Variants in TCF12 observed in about 807,000 individuals in gnomAD.
The protein encoded by TCF12 is DNA-binding protein HTF4.
TCF12 carries 45 observed loss-of-function variants against 86.0 expected under a neutral mutation model. The ratio of observed to expected loss-of-function variants is 0.52; its 90% CI spans 0.41 to 0.67. The LOEUF (loss-of-function observed/expected upper bound fraction) is 0.67, where lower values mean the gene tolerates loss of function less well. TCF12 is among the 30% of genes least tolerant of loss of function. TCF12 has a pLI of 0.00. For missense variants in TCF12, 881 were observed against 859.9 expected, an observed-to-expected ratio of 1.02 and a Z score of -0.31; for synonymous variants, 330 against 299.6, an observed-to-expected ratio of 1.10 and a Z score of -1.05.
At chr15:57,162,684 A>G (rs1193296413) in intron 5 of TCF12, among the ~76,000 whole-genome samples, 1 of 152,210 alleles carries the variant, frequency 6.6e-6, no homozygotes, top group Admixed American at 6.5e-5. Context: ...AGCACAGGAA[A>G]GTAAGTTTAA....
chr15:57,023,226 T>A (rs572777463), intron 3 of TCF12, among the ~76,000 whole-genome samples: 36 of 152,178 alleles, frequency 2.4e-4, no homozygotes, highest in Non-Finnish European at 4.3e-4. Context: ...AGTATGGAGT[T>A]TGATTTTATT....
intron 3 of TCF12, among the ~76,000 whole-genome samples, chr15:57,048,347 C>T (rs1456453845): frequency 2.0e-5 from 3 of 152,092 alleles, no homozygotes; most frequent in Middle Eastern, 3.2e-3. Context: ...CTGTAAGCTC[C>T]GCCTCCCAGG....
chr15:56,950,533 G>A lies in TCF12; in HGVS notation c.148+29435G>A, dbSNP rs530388055. On this transcript the variant is annotated intron_variant, in intron 3 of 20. Coordinates refer to ENST00000333725, the MANE Select transcript of TCF12 (RefSeq NM_207037.2). Reference sequence around the variant, plus strand: ...GAGCCACTGCGCCTGGGTGCATTTCGTGTAGTTTTAAATAAATAAATCACA... The same window carrying A: ...GAGCCACTGCGCCTGGGTGCATTTCATGTAGTTTTAAATAAATAAATCACA... Among the ~76,000 whole-genome samples the A allele has an allele frequency of 1.9e-4, 29 of 151,894 alleles. No homozygotes were observed. In the South Asian group the frequency reaches 4.6e-3, roughly 24 times the overall value.
chr15:57,263,677 A>G (rs1459786509), intron 18 of TCF12, among the ~76,000 whole-genome samples: 3 of 152,170 alleles, frequency 2.0e-5, no homozygotes, highest in Non-Finnish European at 4.4e-5. Flanking sequence ...ATTCTAAGAA[A>G]TGCATTGCTA....
chr15:57,150,524 G>A (rs529339847), intron 5 of TCF12, among the ~76,000 whole-genome samples: 2 of 152,086 alleles, frequency 1.3e-5, no homozygotes, highest in Non-Finnish European at 2.9e-5. Context: ...CTGCTTGCCA[G>A]AACAAAGTCT....
intron 3 of TCF12, among the ~76,000 whole-genome samples, chr15:56,931,970 T>C (rs1268082359): frequency 1.3e-5 from 2 of 152,330 alleles, no homozygotes; most frequent in African/African-American, 2.4e-5. Context: ...GGGTTTGAGA[T>C]GCTGTACTGC....
At chr15:57,004,027 C>A (rs1184032513) in intron 3 of TCF12, among the ~76,000 whole-genome samples, 2 of 152,104 alleles carry the variant, frequency 1.3e-5, no homozygotes, top group East Asian at 3.8e-4. Flanking sequence ...TTGACCTTAA[C>A]TGAAGAAAAT....
intron 8 of TCF12, 137 bp from the exon 9 acceptor site, chr15:57,231,014 GT>G: frequency 1.7e-6 from 1 of 593,360 alleles, no homozygotes; most frequent in Non-Finnish European, 2.9e-6. Context: ...GATTTAGGCA[GT>G]ATTCTTTTCA....
At chr15:56,984,116 GTTC>G (rs56134411) in intron 3 of TCF12, among the ~76,000 whole-genome samples, 27,284 of 151,332 alleles carry the variant, frequency 0.18, 2,923 homozygotes, top group Non-Finnish European at 0.24. Context: ...AAGATACGTT[GTTC>G]TTCTGTTTTC....
chr15:57,212,604 A>ATTT lies in TCF12; in HGVS notation c.579+14780_579+14781insTTT, dbSNP rs1213740016. On this transcript the variant is annotated intron_variant, in intron 8 of 20. Transcript: ENST00000333725. ...TGATTTTTCCTTTTAAGAGAGAAAA[A>ATTT]TATTTATCATAATGGAATTTTAAAA... Among the ~76,000 whole-genome samples, 4 of 152,256 alleles carry ATTT rather than the reference A, an allele frequency of 2.6e-5. No homozygotes were observed. The East Asian group carries it at 7.7e-4, about 29-fold the overall frequency.
Position 57,268,715 on chromosome 15 carries a change from A to T in TCF12, c.1746-4315A>T. ...TAAGCTGTTACAGAGCATCTCCCTC[A>T]TATGTTTTTTTTTCTGATTATGTAG... On this transcript the variant is annotated intron_variant, in intron 18 of 20. Transcript: ENST00000333725. 1.3e-5 allele frequency among the ~76,000 whole-genome samples: 2 copies of T among 152,110 alleles called. 1 individual carries two copies. Among genetic ancestry groups the T allele is most frequent in the Non-Finnish European group, 2.9e-5 (2 of 68,024 alleles).
intron 8 of TCF12, among the ~76,000 whole-genome samples, chr15:57,202,554 G>A (rs919964669): frequency 6.6e-6 from 1 of 150,798 alleles, no homozygotes; most frequent in Non-Finnish European, 1.5e-5. Flanking sequence ...TCCTGCCTCA[G>A]CCTCCTGAGT....
intron 4 of TCF12, among the ~76,000 whole-genome samples, chr15:57,078,149 G>A (rs2070298757): frequency 6.6e-6 from 1 of 152,054 alleles, no homozygotes. Context: ...TTGCTTTAGG[G>A]TATTCTTTAG....
intron 3 of TCF12, among the ~76,000 whole-genome samples, chr15:57,017,807 C>T (rs2065241435): frequency 6.7e-6 from 1 of 148,430 alleles, no homozygotes; most frequent in African/African-American, 2.5e-5. Flanking sequence ...TTCCTGGTGA[C>T]TCTGGTATGT....
chr15:56,954,741 A>G (rs1381765994), intron 3 of TCF12, among the ~76,000 whole-genome samples: 1 of 152,214 alleles, frequency 6.6e-6, no homozygotes, highest in Non-Finnish European at 1.5e-5. Flanking sequence ...AAACAACCCC[A>G]TCAAAAAGTT....
chr15:56,920,434 C>G (rs1281539718), intron 2 of TCF12, among the ~76,000 whole-genome samples: 1 of 151,452 alleles, frequency 6.6e-6, no homozygotes, highest in African/African-American at 2.4e-5. Flanking sequence ...TAGTCCAGAG[C>G]TAGAATTTCG....
chr15:56,933,040 A>G (rs2060314978), intron 3 of TCF12, among the ~76,000 whole-genome samples: 1 of 152,190 alleles, frequency 6.6e-6, no homozygotes, highest in African/African-American at 2.4e-5. Context: ...AGTTGGGAAG[A>G]ATATGAAATT....
intron 6 of TCF12, among the ~76,000 whole-genome samples, chr15:57,186,332 C>G (rs1157083454): frequency 6.6e-6 from 1 of 152,088 alleles, no homozygotes; most frequent in African/African-American, 2.4e-5. Flanking sequence ...GATCTGATGT[C>G]TACAAAACAT....
At chr15:56,998,619 G>C (rs1244582827) in intron 3 of TCF12, among the ~76,000 whole-genome samples, 2 of 151,902 alleles carry the variant, frequency 1.3e-5, no homozygotes, top group African/African-American at 4.8e-5. Context: ...CTTTTCTTAG[G>C]AATAGATAGA....
Sources: allele counts gnomAD v4.1 joint callset (sites outside exome capture counted in the v4.1 genomes callset), GRCh38; gene constraint gnomAD v4.1.1; transcripts MANE v1.5; gene names NCBI Gene and HGNC (gene_info 2026-07-23, HGNC 2026-07-21).